Variants in DTWD2 observed in about 807,000 individuals in gnomAD.
The protein encoded by DTWD2 is tRNA-uridine aminocarboxypropyltransferase 2.
DTWD2 carries 39 observed loss-of-function variants against 31.8 expected under a neutral mutation model. The ratio of observed to expected loss-of-function variants is 1.22; its 90% CI spans 0.95 to 1.60. DTWD2 has a LOEUF of 1.60. DTWD2 is among the 40% of genes most tolerant of loss of function. The pLI is 0.00. For missense variants in DTWD2, 515 were observed against 381.5 expected (o/e 1.35, Z -2.92); for synonymous variants, 180 against 142.8 (o/e 1.26, Z -1.86).
At chr5:118,978,654 C>A (rs1191534436) in intron 1 of DTWD2, among the ~76,000 whole-genome samples, 1 of 152,164 alleles carries the variant, frequency 6.6e-6, no homozygotes, top group East Asian at 1.9e-4. Context: ...TTATGGAAAT[C>A]CATATCAAAA....
At chr5:118,864,623 CT>C (rs935051030) in intron 4 of DTWD2, among the ~76,000 whole-genome samples, 8 of 145,518 alleles carry the variant, frequency 5.5e-5, no homozygotes, top group African/African-American at 1.0e-4. Flanking sequence ...CCCTATCTTT[CT>C]TTTTTTATTT....
intron 4 of DTWD2, among the ~76,000 whole-genome samples, chr5:118,868,043 G>C (rs1752417275): frequency 6.6e-6 from 1 of 152,086 alleles, no homozygotes; most frequent in Non-Finnish European, 1.5e-5. Context: ...TAATCAAATA[G>C]TGTGGTACTG....
intron 1 of DTWD2, among the ~76,000 whole-genome samples, chr5:118,963,973 G>A (rs1754766456): frequency 6.6e-6 from 1 of 152,122 alleles, no homozygotes; most frequent in Non-Finnish European, 1.5e-5. Flanking sequence ...ACTTTGGGAG[G>A]CCGAGGCGTG....
At position 118,837,320 on chromosome 5, in the gene DTWD2, T is replaced by C. The variant is rs1481034247; in HGVS notation, c.*3597A>G. 1 of 152,216 alleles carries C rather than the reference T, an allele frequency of 6.6e-6. No individual in the cohort carries two copies. The highest frequency in any genetic ancestry group is 1.5e-5 in the Non-Finnish European group (1 of 68,026). The allele number at this position is 152,216 out of a possible 1,614,324, so 9.4% of individuals were successfully genotyped here. A position where few individuals can be genotyped will look rare whatever the true frequency, so the allele number is the denominator to read the frequency against. ...AAATTAAATGCAAAGTTTCATTCCA[T>C]CTATAATGCAATATTATTTATTCAT... On this transcript the variant is annotated 3_prime_UTR_variant, in exon 6 of 6. Transcript: ENST00000510708.
At chr5:118,940,450 C>T (rs1231443902) in intron 2 of DTWD2, among the ~76,000 whole-genome samples, 1 of 152,210 alleles carries the variant, frequency 6.6e-6, no homozygotes, top group African/African-American at 2.4e-5. Flanking sequence ...CCCAGATGTA[C>T]TCCCCAGTAC....
chr5:118,963,107 G>T (rs1476332218), intron 1 of DTWD2, among the ~76,000 whole-genome samples: 1 of 152,182 alleles, frequency 6.6e-6, no homozygotes, highest in Admixed American at 6.5e-5. Context: ...GTATAAAATG[G>T]CTAAAAAGTA....
At chr5:118,900,934 A>AG in intron 4 of DTWD2, among the ~76,000 whole-genome samples, 1 of 151,692 alleles carries the variant, frequency 6.6e-6, no homozygotes, top group Non-Finnish European at 1.5e-5. Flanking sequence ...CAAAAAAAAA[A>AG]AAAAAGAAAA....
intron 4 of DTWD2, among the ~76,000 whole-genome samples, chr5:118,899,462 A>AGT (rs1753155286): frequency 6.6e-6 from 1 of 152,224 alleles, no homozygotes; most frequent in African/African-American, 2.4e-5. Context: ...TCACTAACTC[A>AGT]GTGTTCACAG....
At chr5:118,975,810 GC>G (rs1755142533) in intron 1 of DTWD2, among the ~76,000 whole-genome samples, 2 of 152,118 alleles carry the variant, frequency 1.3e-5, no homozygotes, top group South Asian at 4.1e-4. Flanking sequence ...AAAAGGATAT[GC>G]AGGACTTGAA....
chr5:118,942,842 G>T (rs1162710370), intron 2 of DTWD2, among the ~76,000 whole-genome samples: 1 of 151,854 alleles, frequency 6.6e-6, no homozygotes, highest in African/African-American at 2.4e-5. Flanking sequence ...TTGCTGTACA[G>T]CCCAAGCTAG....
chr5:118,919,826 C>A (rs1753661520), intron 4 of DTWD2, among the ~76,000 whole-genome samples: 2 of 151,928 alleles, frequency 1.3e-5, no homozygotes, highest in African/African-American at 4.8e-5. Context: ...AAATTTTATT[C>A]TCATATAATT....
At chr5:118,975,689 G>C (rs1755138127) in intron 1 of DTWD2, among the ~76,000 whole-genome samples, 1 of 151,988 alleles carries the variant, frequency 6.6e-6, no homozygotes, top group Non-Finnish European at 1.5e-5. Flanking sequence ...CTTTGACGCT[G>C]GTGACCTTTG....
At chr5:118,876,325 A>G (rs1019733968) in intron 4 of DTWD2, among the ~76,000 whole-genome samples, 48 of 152,198 alleles carry the variant, frequency 3.2e-4, no homozygotes, top group Non-Finnish European at 5.9e-5. Context: ...CAAATTCCAA[A>G]GCCAGCAGAA....
At chr5:118,951,466 T>C (rs1754463740) in intron 1 of DTWD2, among the ~76,000 whole-genome samples, 1 of 152,130 alleles carries the variant, frequency 6.6e-6, no homozygotes, top group Non-Finnish European at 1.5e-5. Context: ...TGAAAAAGAA[T>C]GCCTAGACGT....
intron 1 of DTWD2, among the ~76,000 whole-genome samples, chr5:118,950,213 CAAAAAAAAA>C (rs764214153): frequency 2.0e-5 from 1 of 49,600 alleles, no homozygotes; most frequent in Non-Finnish European, 3.8e-5. Flanking sequence ...ACTCCATCTC[CAAAAAAAAA>C]AAAAAAAAAA....
In DTWD2 at chr5:118,839,787, T is replaced by G. The variant is rs1263923931; in HGVS notation, c.*1130A>C. ...CTAATTGTGACCAGCATTATACCTT[T>G]TAATGAGTCTAATCCAAGTAAATAA... is the stretch of plus-strand genomic sequence containing the variant. On this transcript the variant is annotated 3_prime_UTR_variant, in exon 6 of 6. Transcript: ENST00000510708. 6.6e-6 allele frequency: 1 copy of G among 152,234 alleles called. No individual in the cohort carries two copies. The highest frequency in any genetic ancestry group is 6.5e-5 in the Admixed American group (1 of 15,284). 9.4% of individuals were successfully genotyped at this position (152,234 alleles called of 1,614,324 possible). A position where few individuals can be genotyped will look rare whatever the true frequency, so the allele number is the denominator to read the frequency against.
intron 4 of DTWD2, among the ~76,000 whole-genome samples, chr5:118,863,549 G>A (rs960303997): frequency 6.6e-6 from 1 of 152,168 alleles, no homozygotes; most frequent in African/African-American, 2.4e-5. Context: ...TATAATTTCT[G>A]TGGGTGAGTA....
intron 4 of DTWD2, among the ~76,000 whole-genome samples, chr5:118,910,431 G>C (rs915406677): frequency 5.3e-5 from 8 of 151,978 alleles, no homozygotes; most frequent in African/African-American, 1.9e-4. Context: ...TTCCATCTGA[G>C]ACCTCATCAG....
At chr5:118,859,600 T>C (rs1752214814) in intron 4 of DTWD2, among the ~76,000 whole-genome samples, 1 of 152,154 alleles carries the variant, frequency 6.6e-6, no homozygotes, top group South Asian at 2.1e-4. Flanking sequence ...ATAATTAGGT[T>C]CATTTGTTTC....
Sources: allele counts gnomAD v4.1 joint callset (sites outside exome capture counted in the v4.1 genomes callset), GRCh38; gene constraint gnomAD v4.1.1; transcripts MANE v1.5; gene names NCBI Gene and HGNC (gene_info 2026-07-23, HGNC 2026-07-21).